B4GALT6: variants seen among roughly 807,000 people sequenced by gnomAD.
B4GALT6 encodes UDP-Gal:beta-GlcNAc beta-1,4-galactosyltransferase 6.
Under a neutral mutation model 46.3 loss-of-function variants are expected in B4GALT6, and 14 were observed. The observed-to-expected ratio is 0.30, with a 90% CI of 0.20 to 0.47. The LOEUF is 0.47. Ranked by LOEUF, B4GALT6 falls within the 20% of genes least tolerant of loss-of-function variation. The pLI is 0.99. For synonymous variants in B4GALT6, 168 were observed against 162.0 expected (o/e 1.04, Z -0.28); for missense variants, 386 against 480.1 (o/e 0.80, Z 1.83).
intron 4 of B4GALT6, among the ~76,000 whole-genome samples, chr18:31,644,473 A>C (rs547826451): frequency 4.6e-5 from 7 of 152,164 alleles, no homozygotes; most frequent in Non-Finnish European, 5.9e-5. Context: ...GAAAATACAA[A>C]TATTCTAGAA....
intron 1 of B4GALT6, among the ~76,000 whole-genome samples, chr18:31,675,325 T>C (rs920983003): frequency 6.6e-6 from 1 of 152,246 alleles, no homozygotes; most frequent in Non-Finnish European, 1.5e-5. Context: ...ATTGAGTGTC[T>C]GCCGTTTACC....
chr18:31,711,284 G>T, the B4GALT6 span, among the ~76,000 whole-genome samples: 1 of 151,918 alleles, frequency 6.6e-6, no homozygotes, highest in African/African-American at 2.4e-5. Flanking sequence ...TTAGGTTCAG[G>T]GTACATTGCA....
the B4GALT6 span, among the ~76,000 whole-genome samples, chr18:31,695,371 A>G: frequency 6.6e-6 from 1 of 152,076 alleles, no homozygotes; most frequent in African/African-American, 2.4e-5. Flanking sequence ...GCCTGGGAAT[A>G]TTGTCCCCAC....
At chr18:31,639,260 G>T (rs1235513479) in intron 4 of B4GALT6, among the ~76,000 whole-genome samples, 1 of 152,184 alleles carries the variant, frequency 6.6e-6, no homozygotes, top group Non-Finnish European at 1.5e-5. Flanking sequence ...GGCATGAAAA[G>T]TAAGGGAGGG....
chr18:31,702,777 C>T, the B4GALT6 span, among the ~76,000 whole-genome samples: 2 of 152,186 alleles, frequency 1.3e-5, no homozygotes, highest in Non-Finnish European at 2.9e-5. Flanking sequence ...CTCTTCTCTT[C>T]GCTCATCTTC....
intron 1 of B4GALT6, among the ~76,000 whole-genome samples, chr18:31,682,239 G>A (rs9954432): frequency 0.4 from 61,370 of 151,896 alleles, 13,216 homozygotes; most frequent in African/African-American, 0.56. Flanking sequence ...ACTTTCAAGC[G>A]AAAATCTGAA....
At chr18:31,682,519 C>A (rs1422924757) in intron 1 of B4GALT6, among the ~76,000 whole-genome samples, 2 of 152,082 alleles carry the variant, frequency 1.3e-5, no homozygotes, top group Non-Finnish European at 2.9e-5. Context: ...CGTTCTATGG[C>A]AAACATTAAG....
intron 3 of B4GALT6, among the ~76,000 whole-genome samples, chr18:31,651,414 T>C (rs1158603825): frequency 6.6e-6 from 1 of 152,126 alleles, no homozygotes; most frequent in East Asian, 1.9e-4. Flanking sequence ...TGGGGGGCTC[T>C]CTAGGATAAC....
At chr18:31,682,306 T>C (rs965594951) in intron 1 of B4GALT6, among the ~76,000 whole-genome samples, 32 of 152,232 alleles carry the variant, frequency 2.1e-4, no homozygotes, top group African/African-American at 7.2e-4. Context: ...AGGAGGCTTT[T>C]TTTGGCTAAA....
At chr18:31,628,737 G>C (rs1486194876) in intron 6 of B4GALT6, among the ~76,000 whole-genome samples, 1 of 152,150 alleles carries the variant, frequency 6.6e-6, no homozygotes, top group African/African-American at 2.4e-5. Flanking sequence ...ACCAGGCCTT[G>C]ATCTACTGCC....
At chr18:31,663,367 T>C (rs1315260370) in intron 2 of B4GALT6, among the ~76,000 whole-genome samples, 2 of 152,184 alleles carry the variant, frequency 1.3e-5, no homozygotes, top group Non-Finnish European at 2.9e-5. Context: ...AACAAACCTA[T>C]CCACTCTAAC....
intron 2 of B4GALT6, among the ~76,000 whole-genome samples, chr18:31,658,768 T>C (rs778689331): frequency 1.3e-5 from 2 of 152,196 alleles, no homozygotes; most frequent in Non-Finnish European, 2.9e-5. Flanking sequence ...CAGGACACGA[T>C]GTAGCTTGCC....
At chr18:31,695,501 C>T in the B4GALT6 span, among the ~76,000 whole-genome samples, 1 of 152,006 alleles carries the variant, frequency 6.6e-6, no homozygotes, top group African/African-American at 2.4e-5. Flanking sequence ...GAGGCCATAT[C>T]TAGGCTGCCT....
intron 4 of B4GALT6, among the ~76,000 whole-genome samples, chr18:31,639,784 A>G (rs1445572310): frequency 6.6e-6 from 1 of 152,172 alleles, no homozygotes; most frequent in Admixed American, 6.5e-5. Context: ...ATCTAATGGA[A>G]CTCTCAAACC....
chr18:31,663,154 T>C (rs546236735), intron 2 of B4GALT6, among the ~76,000 whole-genome samples: 9 of 152,312 alleles, frequency 5.9e-5, no homozygotes, highest in African/African-American at 2.2e-4. Context: ...CACTGGACCT[T>C]ATCACTTAAA....
rs1432388219 is a variant in B4GALT6, at chr18:31,625,633, G to A, written c.1130C>T (p.Ala377Val). The A allele has an allele frequency of 6.2e-7, 1 of 1,613,144 alleles. No homozygotes were observed. Among genetic ancestry groups the A allele is most frequent in the South Asian group, 1.1e-5 (1 of 90,872 alleles). The part of the protein sequence containing the change: ...NISVNLMPEL[A>V]PIEDY ...CTTCTTTTAATAGTCTTCGATTGGAGCTAACTCTGGCATGAGGTTTACAGA... is the reference window on the plus strand; with the variant it reads ...CTTCTTTTAATAGTCTTCGATTGGAACTAACTCTGGCATGAGGTTTACAGA... The change falls in exon 9 of 9, where the codon GCT becomes GTT. Residue 377 changes from alanine (A) to valine (V), a missense_variant. Ala to Val is a moderately conservative substitution (Grantham distance 64, BLOSUM62 0). This residue lies in a region of B4GALT6 where 323 missense variants were observed against 438.9 expected (regional missense o/e 0.74). Transcript: ENST00000306851.
At chr18:31,644,575 T>A (rs1200165364) in intron 4 of B4GALT6, among the ~76,000 whole-genome samples, 1 of 152,232 alleles carries the variant, frequency 6.6e-6, no homozygotes, top group Non-Finnish European at 1.5e-5. Context: ...AGTTGTAGTT[T>A]TCATTGGAAT....
In B4GALT6 at chr18:31,626,400, T is replaced by C. The variant is rs2073697965; in HGVS notation, c.900-16A>G. ...ATAGTGAACTCTACAATGCCATATA[T>C]GGAAATGAAAATATAGAGAAATAAA... On this transcript the variant is annotated splice_polypyrimidine_tract_variant and intron_variant, in intron 7 of 8. Transcript: ENST00000306851. 1.5e-6 allele frequency: 2 copies of C among 1,343,190 alleles called. No individual in the cohort carries two copies. Among genetic ancestry groups the C allele is most frequent in the South Asian group, 1.3e-5 (1 of 77,062 alleles). The allele number at this position is 1,343,190 out of a possible 1,614,324, so 83.2% of individuals were successfully genotyped here.
At chr18:31,633,746 C>G (rs1169034912) in intron 5 of B4GALT6, among the ~76,000 whole-genome samples, 1 of 152,190 alleles carries the variant, frequency 6.6e-6, no homozygotes, top group African/African-American at 2.4e-5. Flanking sequence ...TGGCGTGCTC[C>G]TTTACATCAT....
Sources: allele counts gnomAD v4.1 joint callset (sites outside exome capture counted in the v4.1 genomes callset), GRCh38; gene constraint gnomAD v4.1.1; regional missense constraint gnomAD v4.1.1; transcripts MANE v1.5; gene names NCBI Gene and HGNC (gene_info 2026-07-23, HGNC 2026-07-21).